RNASEH2B: variants seen among roughly 807,000 people sequenced by gnomAD.
RNASEH2B encodes the protein ribonuclease H2 subunit B.
Under a neutral mutation model 45.0 loss-of-function variants are expected in RNASEH2B, and 36 were observed. The observed-to-expected ratio is 0.80, with a 90% CI of 0.61 to 1.06. The LOEUF is 1.06. Ranked by LOEUF, RNASEH2B falls within the 50% of genes least tolerant of loss-of-function variation. The pLI is 0.00. For synonymous variants in RNASEH2B, 119 were observed against 125.7 expected, an observed-to-expected ratio of 0.95 and a Z score of 0.35; for missense variants, 361 against 360.3, an observed-to-expected ratio of 1.00 and a Z score of -0.02.
At chr13:50,962,595 T>C (rs1952122012) in intron 9 of RNASEH2B, among the ~76,000 whole-genome samples, 1 of 152,196 alleles carries the variant, frequency 6.6e-6, no homozygotes, top group Non-Finnish European at 1.5e-5. Flanking sequence ...TCTTTTTGCT[T>C]TCTCTGTTAG....
intron 3 of RNASEH2B, among the ~76,000 whole-genome samples, chr13:50,930,362 C>T (rs750401218): frequency 6.6e-6 from 1 of 152,180 alleles, no homozygotes; most frequent in South Asian, 2.1e-4. Flanking sequence ...TGTGCTTCCT[C>T]CTAACCCCTC....
chr13:50,955,608 A>C (rs185431844), intron 10 of RNASEH2B: 1 of 152,196 alleles, frequency 6.6e-6, no homozygotes, highest in Non-Finnish European at 1.5e-5. Flanking sequence ...ATACTTTATC[A>C]ATGACTTTGT....
Position 50,929,586 on chromosome 13 carries a change from G to A in RNASEH2B, c.244+4G>A, listed in dbSNP as rs779173843. 3.2e-6 allele frequency: 5 copies of A among 1,538,466 alleles called. No homozygotes were observed. The South Asian group carries it at 4.5e-5, about 14-fold the overall frequency. On this transcript the variant is annotated splice_donor_region_variant and intron_variant, in intron 3 of 10. Coordinates refer to ENST00000336617, the MANE Select transcript of RNASEH2B (RefSeq NM_024570.4). ...ATAAATCAATCAGTTCAATCAGGTA[G>A]GTGACTAGTGTAAGCATTTCCAATA...
chr13:50,928,195 G>T (rs1241060882), intron 2 of RNASEH2B, among the ~76,000 whole-genome samples: 1 of 152,124 alleles, frequency 6.6e-6, no homozygotes, highest in Non-Finnish European at 1.5e-5. Flanking sequence ...TAATTTATAA[G>T]GTTTTGTGTA....
intron 9 of RNASEH2B, among the ~76,000 whole-genome samples, chr13:50,963,475 A>G (rs1406237493): frequency 6.6e-6 from 1 of 152,008 alleles, no homozygotes; most frequent in African/African-American, 2.4e-5. Flanking sequence ...TAAATATTGT[A>G]ATTTTTAGTT....
intron 1 of RNASEH2B, among the ~76,000 whole-genome samples, chr13:50,923,455 G>A (rs1487397170): frequency 6.6e-6 from 1 of 152,044 alleles, no homozygotes; most frequent in Non-Finnish European, 1.5e-5. Flanking sequence ...CAAATAAAAG[G>A]GATCCTCAAT....
intron 5 of RNASEH2B, among the ~76,000 whole-genome samples, chr13:50,939,754 T>C (rs986690473): frequency 1.3e-5 from 2 of 152,078 alleles, no homozygotes; most frequent in South Asian, 2.1e-4. Context: ...TCTTACCTCA[T>C]ACAGAAAAAT....
chr13:50,956,137 G>C (rs1228622962), intron 10 of RNASEH2B: 1 of 479,540 alleles, frequency 2.1e-6, no homozygotes, highest in Non-Finnish European at 3.8e-6. Context: ...CTGCTTCTTA[G>C]AAGGCAGCAG....
chr13:50,915,964 C>T (rs1358257010), intron 1 of RNASEH2B, among the ~76,000 whole-genome samples: 1 of 151,116 alleles, frequency 6.6e-6, no homozygotes, highest in African/African-American at 2.4e-5. Context: ...TTGTTGTTGC[C>T]TTTTAACCTT....
intron 1 of RNASEH2B, among the ~76,000 whole-genome samples, chr13:50,919,284 A>G (rs1037852822): frequency 7.9e-5 from 12 of 152,234 alleles, no homozygotes; most frequent in African/African-American, 2.7e-4. Flanking sequence ...ATCATGTACC[A>G]TTTTGGCTTG....
chr13:50,966,634 C>T (rs999122355), intron 9 of RNASEH2B, among the ~76,000 whole-genome samples: 9 of 151,966 alleles, frequency 5.9e-5, no homozygotes, highest in African/African-American at 1.9e-4. Flanking sequence ...TTGTGCTTCT[C>T]GGTTCTGCAC....
At chr13:50,969,806 C>A in intron 9 of RNASEH2B, 1 of 856,308 alleles carries the variant, frequency 1.2e-6, no homozygotes, top group South Asian at 1.6e-5. Context: ...CGAAAATGCT[C>A]AGCTGCCCTC....
intron 1 of RNASEH2B, among the ~76,000 whole-genome samples, chr13:50,916,498 C>T (rs1879754192): frequency 6.6e-6 from 1 of 152,172 alleles, no homozygotes; most frequent in Non-Finnish European, 1.5e-5. Flanking sequence ...ATACTTATTG[C>T]TTCAGACAGT....
At chr13:50,919,868 C>G (rs536136056) in intron 1 of RNASEH2B, among the ~76,000 whole-genome samples, 3 of 152,282 alleles carry the variant, frequency 2.0e-5, no homozygotes, top group African/African-American at 7.2e-5. Context: ...GCCTGGTAGA[C>G]CGTAAATGGC....
chr13:50,942,374 A>C (rs1276460308), intron 5 of RNASEH2B: 1 of 152,172 alleles, frequency 6.6e-6, no homozygotes, highest in Admixed American at 6.5e-5. Context: ...TCAAATAGCT[A>C]TGATTATGTT....
intron 3 of RNASEH2B, chr13:50,930,250 C>T: frequency 3.4e-6 from 1 of 296,980 alleles, no homozygotes; most frequent in Non-Finnish European, 6.5e-6. Context: ...ACTGCTTTCC[C>T]ATGGCTTTGT....
At chr13:50,924,286 A>G (rs1351025206) in intron 1 of RNASEH2B, among the ~76,000 whole-genome samples, 1 of 152,216 alleles carries the variant, frequency 6.6e-6, no homozygotes, top group Non-Finnish European at 1.5e-5. Flanking sequence ...TATCTACTAG[A>G]CACACTTACA....
intron 5 of RNASEH2B, chr13:50,937,747 T>C (rs561566503): frequency 6.6e-6 from 1 of 152,294 alleles, no homozygotes; most frequent in South Asian, 2.1e-4. Flanking sequence ...AGGTATTTGA[T>C]AAAATTCAGT....
At chr13:50,951,593 G>A (rs569707229) in intron 9 of RNASEH2B, 1 of 152,126 alleles carries the variant, frequency 6.6e-6, no homozygotes, top group South Asian at 2.1e-4. Context: ...TTTGTAAGAA[G>A]GCCTAACATT....
Sources: gnomAD v4.1 joint callset for allele counts (sites outside exome capture counted in the v4.1 genomes callset) on GRCh38, gnomAD v4.1.1 for gene constraint, MANE v1.5 for transcripts, NCBI Gene and HGNC (gene_info 2026-07-23, HGNC 2026-07-21) for gene names.